The following SVOPL variants were observed in gnomAD, a reference collection of about 807,000 sequenced individuals.
SVOPL encodes the protein putative transporter SVOPL.
SVOPL carries 60 observed loss-of-function variants against 61.0 expected under a neutral mutation model. That is an observed-to-expected ratio of 0.98 (90% confidence interval 0.80 to 1.22). SVOPL has a LOEUF of 1.22. Among genes scored for constraint, SVOPL ranks in the 50% most tolerant of loss-of-function variants. SVOPL has a pLI of 0.00. For missense variants in SVOPL, 662 were observed against 643.9 expected (o/e 1.03, Z -0.30); for synonymous variants, 279 against 250.0 (o/e 1.12, Z -1.09).
At chr7:138,657,134 G>GTTTGTTTGTTTA (rs529987229) in intron 6 of SVOPL, among the ~76,000 whole-genome samples, 1 of 147,028 alleles carries the variant, frequency 6.8e-6, no homozygotes, top group Non-Finnish European at 1.5e-5. Flanking sequence ...TTTCTTATTT[G>GTTTGTTTGTTTA]TTTATTTATT....
rs576949498 is a variant in SVOPL at position 138,656,557 on chromosome 7, A to T, written c.471-46T>A. ...AGCATAATTTTGTTTTAAAAAACTA[A>T]ATCATCTTTTAAAAAATAATCAGTT... On this transcript the variant is annotated intron_variant, in intron 6 of 15. Transcript: ENST00000674285. 5.0e-6 allele frequency: 8 copies of T among 1,591,816 alleles called. No homozygotes were observed. In the East Asian group the frequency reaches 1.6e-4, roughly 31 times the overall value.
intron 9 of SVOPL, among the ~76,000 whole-genome samples, chr7:138,643,785 T>C (rs1249133219): frequency 6.6e-6 from 1 of 152,072 alleles, no homozygotes; most frequent in African/African-American, 2.4e-5. Context: ...TTAATGAGTA[T>C]AGAATTTCAG....
chr7:138,630,958 A>C (rs974928313), intron 9 of SVOPL, among the ~76,000 whole-genome samples: 1 of 151,552 alleles, frequency 6.6e-6, no homozygotes, highest in African/African-American at 2.4e-5. Context: ...AAAGAAAAAA[A>C]AAAAAAAAAA....
intron 8 of SVOPL, among the ~76,000 whole-genome samples, chr7:138,647,621 C>G (rs561698528): frequency 6.6e-6 from 1 of 151,468 alleles, no homozygotes; most frequent in African/African-American, 2.4e-5. Flanking sequence ...GAGGCTGAGG[C>G]GGGTGGATCA....
At chr7:138,698,125 T>A in intron 1 of SVOPL, among the ~76,000 whole-genome samples, 1 of 120,894 alleles carries the variant, frequency 8.3e-6, no homozygotes, top group East Asian at 2.8e-4. Flanking sequence ...AGAGTAGAGG[T>A]GGGAATGAAG....
intron 9 of SVOPL, among the ~76,000 whole-genome samples, chr7:138,642,848 A>AAAG (rs1244456903): frequency 2.8e-5 from 1 of 35,484 alleles, no homozygotes; most frequent in African/African-American, 5.5e-5. Context: ...AAAAAAAAAA[A>AAAG]AAGAAGAAAC....
chr7:138,662,606 C>T, intron 5 of SVOPL: 2 of 987,560 alleles, frequency 2.0e-6, no homozygotes, highest in Non-Finnish European at 2.4e-6. Context: ...TTTTCCATTC[C>T]CCTTATTAAC....
chr7:138,653,949 GA>G (rs1801570845), intron 7 of SVOPL, among the ~76,000 whole-genome samples: 3 of 138,022 alleles, frequency 2.2e-5, no homozygotes, highest in South Asian at 2.4e-4. Context: ...AAAAAAAAAA[GA>G]AAAGAAAAGA....
intron 1 of SVOPL, among the ~76,000 whole-genome samples, chr7:138,700,679 A>AGGATGGAT (rs35740951): frequency 0.35 from 52,657 of 148,694 alleles, 9,749 homozygotes; most frequent in Non-Finnish European, 0.41. Flanking sequence ...ACCCAGTAAG[A>AGGATGGAT]GGATGGATGG....
chr7:138,605,467 G>T (rs1298923160), intron 14 of SVOPL, among the ~76,000 whole-genome samples: 1 of 151,964 alleles, frequency 6.6e-6, no homozygotes, highest in African/African-American at 2.4e-5. Context: ...CTTGAGATCA[G>T]CCTGGCCAAC....
intron 1 of SVOPL, among the ~76,000 whole-genome samples, chr7:138,696,352 T>C (rs1803064831): frequency 6.6e-6 from 1 of 152,086 alleles, no homozygotes. Flanking sequence ...GGCTTCAGTC[T>C]CCCAAATAGC....
chr7:138,649,637 A>G (rs150635899), intron 7 of SVOPL, among the ~76,000 whole-genome samples: 227 of 152,230 alleles, frequency 1.5e-3, no homozygotes, highest in African/African-American at 5.2e-3. Flanking sequence ...TGTTACCAAC[A>G]AAAACAAGAC....
chr7:138,646,504 G>T (rs1208275016), intron 8 of SVOPL: 1 of 144,668 alleles, frequency 6.9e-6, no homozygotes, highest in Non-Finnish European at 1.4e-5. Context: ...CTTTGTGTTG[G>T]TTTTTGTTGT....
At position 138,599,167 on chromosome 7, in the gene SVOPL, A is replaced by AAAAAAAAAAAAAAAAAAAAAAAC. The variant is rs58372563; in HGVS notation, c.1354-2638_1354-2637insGTTTTTTTTTTTTTTTTTTTTTT. On this transcript the variant is annotated intron_variant, in intron 14 of 15. Coordinates refer to ENST00000674285, the MANE Select transcript of SVOPL (RefSeq NM_001139456.2). Reference sequence around the variant, plus strand: ...AAAAAAAAAAAAAAAACCAAAAAAAAAAGAAATACAGAAATGTCAAAAGAC... The same window carrying AAAAAAAAAAAAAAAAAAAAAAAC: ...AAAAAAAAAAAAAAAACCAAAAAAAAAAAAAAAAAAAAAAAAAAAAAACAAGAAATACAGAAATGTCAAAAGAC... Among the ~76,000 whole-genome samples the AAAAAAAAAAAAAAAAAAAAAAAC allele has an allele frequency of 9.9e-5, 12 of 121,808 alleles. 1 individual carries two copies. The highest frequency in any genetic ancestry group is 5.6e-3 in the Middle Eastern group (1 of 178). The allele number at this position is 121,808 out of a possible 152,430, so 79.9% of individuals were successfully genotyped here. A position where few individuals can be genotyped will look rare whatever the true frequency, so the allele number is the denominator to read the frequency against.
chr7:138,625,719 A>G (rs1049148450), intron 13 of SVOPL, among the ~76,000 whole-genome samples: 2 of 152,210 alleles, frequency 1.3e-5, no homozygotes, highest in Non-Finnish European at 2.9e-5. Context: ...TGCTAGGGCA[A>G]GGAGGTGTTT....
chr7:138,605,148 A>G (rs1191360847), intron 14 of SVOPL, among the ~76,000 whole-genome samples: 1 of 151,796 alleles, frequency 6.6e-6, no homozygotes. Flanking sequence ...ATGCTAATAA[A>G]TTTGAATGAA....
At chr7:138,685,608 AAAT>A (rs1243329346) in intron 1 of SVOPL, among the ~76,000 whole-genome samples, 8 of 152,166 alleles carry the variant, frequency 5.3e-5, no homozygotes, top group Admixed American at 3.9e-4. Context: ...CTTATCACAA[AAAT>A]AATAATAGCT....
At chr7:138,665,732 T>C (rs1159196295) in intron 4 of SVOPL, among the ~76,000 whole-genome samples, 3 of 152,146 alleles carry the variant, frequency 2.0e-5, no homozygotes, top group Non-Finnish European at 4.4e-5. Context: ...ACAAGCCAAC[T>C]GGGGTACAGA....
intron 14 of SVOPL, among the ~76,000 whole-genome samples, chr7:138,610,583 A>T (rs1798955844): frequency 6.6e-6 from 1 of 152,236 alleles, no homozygotes; most frequent in Non-Finnish European, 1.5e-5. Context: ...AAATCACTCA[A>T]AATACAGCAC....
Sources: gnomAD v4.1 joint callset for allele counts (sites outside exome capture counted in the v4.1 genomes callset) on GRCh38, gnomAD v4.1.1 for gene constraint, MANE v1.5 for transcripts, NCBI Gene and HGNC (gene_info 2026-07-23, HGNC 2026-07-21) for gene names.